Variants in RBM41 observed in about 807,000 individuals in gnomAD.
The protein encoded by RBM41 is RNA-binding protein 41.
A neutral mutation model predicts 30.8 loss-of-function variants in RBM41; 14 were observed. That is an observed-to-expected ratio of 0.45 (90% CI 0.30 to 0.71). RBM41 has a LOEUF of 0.71. RBM41 is among the 30% of genes least tolerant of loss of function. The probability of loss-of-function intolerance (pLI) is 0.08; values close to 1 mark genes in which losing one functional copy is unlikely to be tolerated. For synonymous variants in RBM41, 120 were observed against 110.1 expected (o/e 1.09, Z -0.56); for missense variants, 276 against 326.3 (o/e 0.85, Z 1.19).
chrX:107,086,516 AC>A (rs1174228141), intron 6 of RBM41, among the ~76,000 whole-genome samples: 1 of 111,407 alleles, frequency 9.0e-6, no homozygotes, highest in Non-Finnish European at 1.9e-5. Context: ...ATTGAGATCT[AC>A]ACGAAGAACT....
intron 5 of RBM41, among the ~76,000 whole-genome samples, chrX:107,104,831 A>G (rs770761455): frequency 9.0e-6 from 1 of 111,402 alleles, no homozygotes; most frequent in Non-Finnish European, 1.9e-5. Flanking sequence ...CATTGAATGA[A>G]AACTCTCAAT....
chrX:107,108,822 G>A (rs536641359), intron 5 of RBM41, among the ~76,000 whole-genome samples: 1 of 111,045 alleles, frequency 9.0e-6, no homozygotes, highest in African/African-American at 3.3e-5. Flanking sequence ...TGGAGTGGCA[G>A]ACCAGTTCTG....
intron 5 of RBM41, 68 bp downstream of exon 5, chrX:107,113,329 A>G (rs1924646346): frequency 1.0e-6 from 1 of 973,623 alleles, no homozygotes; most frequent in Non-Finnish European, 1.3e-6. Flanking sequence ...ATGGAATTAA[A>G]TAAGTGCTCA....
At position 107,088,478 on chromosome X, in the gene RBM41, T is replaced by A. The variant is rs753997873; in HGVS notation, c.957A>T (p.Lys319Asn). The A allele has an allele frequency of 8.3e-7, 1 of 1,211,462 alleles. No homozygotes were observed. The highest frequency in any genetic ancestry group is 1.8e-5 in the South Asian group (1 of 56,961). ...GATTATATGAAGAAAACATAGGAAT[T>A]TTTCGGATCTCTTCCTCTGACAAAC... ...RNRLSEEEIR[K>N]IPMFSSYNPG... The change falls in exon 6 of 8, where the codon AAA (lysine) becomes AAT (asparagine). Residue 319 changes from lysine to asparagine, a missense_variant. Lys to Asn is a moderately conservative substitution (Grantham distance 94, BLOSUM62 0). Transcript: ENST00000685964.
intron 5 of RBM41, among the ~76,000 whole-genome samples, chrX:107,100,677 T>G (rs760384858): frequency 5.4e-5 from 6 of 111,189 alleles, no homozygotes; most frequent in Non-Finnish European, 1.1e-4. Context: ...GGGGAATCCC[T>G]TCAGAAATTA....
chrX:107,116,662 A>G lies in RBM41; in HGVS notation c.113T>C (p.Val38Ala), dbSNP rs768116467. 1.7e-6 allele frequency: 2 copies of G among 1,210,338 alleles called. No individual in the cohort carries two copies. The highest frequency in any genetic ancestry group is 4.3e-5 in the Admixed American group (2 of 46,011). ...SLLQHQLDTSVSIEECMSKKE... is the reference protein window; with the variant it reads ...SLLQHQLDTSASIEECMSKKE... The stretch of plus-strand genomic sequence containing the variant: ...AATCAATACCTACTCCTCAATGGAG[A>G]CAGAAGTATCAAGTTGATGCTGAAG... The change falls in exon 2 of 8, where the codon GTC (valine) becomes GCC (alanine). Residue 38 changes from valine (V) to alanine (A), a missense_variant. Coordinates refer to ENST00000685964, the MANE Select transcript of RBM41 (RefSeq NM_001324242.2).
chrX:107,071,981 T>A (rs190375926), intron 6 of RBM41, among the ~76,000 whole-genome samples: 3 of 111,076 alleles, frequency 2.7e-5, no homozygotes, highest in Non-Finnish European at 5.7e-5. Flanking sequence ...GAAATGATCA[T>A]CCATGTAGAA....
intron 3 of RBM41, 63 bp from the exon 4 acceptor site, chrX:107,115,619 G>C: frequency 3.9e-6 from 4 of 1,017,360 alleles, no homozygotes; most frequent in Non-Finnish European, 5.4e-6. Flanking sequence ...TGATGATCTG[G>C]TATCTCAAGT....
chrX:107,088,211 G>A (rs1018456391), intron 6 of RBM41, among the ~76,000 whole-genome samples: 1 of 111,605 alleles, frequency 9.0e-6, no homozygotes, highest in African/African-American at 3.3e-5. Flanking sequence ...TCTTTAAAAC[G>A]CTAAGGATAG....
At chrX:107,055,880 G>T in the RBM41 span, among the ~76,000 whole-genome samples, 1 of 112,118 alleles carries the variant, frequency 8.9e-6, no homozygotes, top group African/African-American at 3.2e-5. Context: ...AGAACACAAA[G>T]ATTTATCCCT....
intron 6 of RBM41, among the ~76,000 whole-genome samples, chrX:107,085,121 G>A (rs965847004): frequency 3.6e-5 from 4 of 111,633 alleles, no homozygotes; most frequent in African/African-American, 9.8e-5. Flanking sequence ...ATAATGAAGA[G>A]TGAGACTGCT....
At chrX:107,054,426 T>C in the RBM41 span, among the ~76,000 whole-genome samples, 3 of 111,623 alleles carry the variant, frequency 2.7e-5, no homozygotes, top group African/African-American at 9.8e-5. Flanking sequence ...CTGTGACATA[T>C]AAAGAAAAGT....
intron 5 of RBM41, among the ~76,000 whole-genome samples, chrX:107,111,849 T>A (rs958845137): frequency 7.2e-5 from 8 of 111,023 alleles, no homozygotes; most frequent in Non-Finnish European, 1.3e-4. Context: ...GAAAGTAGGA[T>A]GGTGGTTGCC....
intron 5 of RBM41, among the ~76,000 whole-genome samples, chrX:107,092,613 A>G (rs751059629): frequency 1.6e-4 from 18 of 111,355 alleles, no homozygotes; most frequent in Non-Finnish European, 3.0e-4. Flanking sequence ...AATATATACA[A>G]AAGTGCTCAG....
rs1935870837 is a variant in RBM41 at position 107,067,144 on chromosome X, C to G, written c.*383G>C. On this transcript the variant is annotated 3_prime_UTR_variant, in exon 8 of 8. Coordinates refer to ENST00000685964, the MANE Select transcript of RBM41 (RefSeq NM_001324242.2). ...GGGCTCTAGTAAAGAAATATTTCAA[C>G]ATTTAATTAGTTTTTTATTTCTGTG... The G allele has an allele frequency of 9.4e-6, 7 of 746,952 alleles. No individual in the cohort carries two copies. Among genetic ancestry groups the G allele is most frequent in the African/African-American group, 2.3e-5 (1 of 43,050 alleles). 61.6% of individuals were successfully genotyped at this position (746,952 alleles called of 1,213,427 possible).
chrX:107,083,917 G>GT lies in RBM41; in HGVS notation c.999+4518dup, dbSNP rs775394889. ...CTTGTTTTGCCTCTTCAGAATGTGT[G>GT]TTTTTTTTTTTTTTAGCATACGTTA... is the stretch of plus-strand genomic sequence containing the variant. On this transcript the variant is annotated intron_variant, in intron 6 of 7. Transcript: ENST00000685964. Among the ~76,000 whole-genome samples, 835 of 94,989 alleles carry GT rather than the reference G, an allele frequency of 8.8e-3. 3 individuals carry two copies. The highest frequency in any genetic ancestry group is 0.015 in the African/African-American group (409 of 26,516). The allele number at this position is 94,989 out of a possible 115,157, so 82.5% of individuals were successfully genotyped here. A position where few individuals can be genotyped will look rare whatever the true frequency, so the allele number is the denominator to read the frequency against.
At chrX:107,107,396 C>T (rs999487772) in intron 5 of RBM41, among the ~76,000 whole-genome samples, 1 of 111,312 alleles carries the variant, frequency 9.0e-6, no homozygotes, top group African/African-American at 3.3e-5. Context: ...GGATGGAAGA[C>T]TGTTAAAAAT....
chrX:107,102,600 T>C (rs1305568355), intron 5 of RBM41, among the ~76,000 whole-genome samples: 1 of 111,203 alleles, frequency 9.0e-6, no homozygotes, highest in African/African-American at 3.3e-5. Flanking sequence ...GACAATGTTT[T>C]TGAGAATCTT....
rs1924871298 is a variant in RBM41 at position 107,116,230 on chromosome X, T to C, written c.126-176A>G. 15 of 975,972 alleles carry C rather than the reference T, an allele frequency of 1.5e-5. No homozygotes were observed. In the South Asian group the frequency reaches 6.3e-4, roughly 41 times the overall value. 80.4% of individuals were successfully genotyped at this position (975,972 alleles called of 1,213,427 possible). A position where few individuals can be genotyped will look rare whatever the true frequency, so the allele number is the denominator to read the frequency against. On this transcript the variant is annotated intron_variant, in intron 2 of 7. Coordinates refer to ENST00000685964, the MANE Select transcript of RBM41 (RefSeq NM_001324242.2). Reference sequence around the variant, plus strand: ...TGGAACTCCATCGAGAGTGCCGTCATCCAGGAATAATAAACTAAATCAACA... The same window carrying C: ...TGGAACTCCATCGAGAGTGCCGTCACCCAGGAATAATAAACTAAATCAACA...
Sources: allele counts gnomAD v4.1 joint callset (sites outside exome capture counted in the v4.1 genomes callset), GRCh38; gene constraint gnomAD v4.1.1; transcripts MANE v1.5; gene names NCBI Gene and HGNC (gene_info 2026-07-23, HGNC 2026-07-21).